The following ZNF407 variants were observed in gnomAD, a reference collection of about 807,000 sequenced individuals.
The protein encoded by ZNF407 is zinc finger protein 407.
ZNF407 carries 17 observed loss-of-function variants against 131.2 expected under a neutral mutation model. The observed-to-expected ratio is 0.13, with a 90% confidence interval of 0.09 to 0.19. The LOEUF is 0.19. Ranked by LOEUF, ZNF407 falls within the 10% of genes least tolerant of loss-of-function variation. The pLI is 1.00. For synonymous variants in ZNF407, 1,156 were observed against 1,062.0 expected, an observed-to-expected ratio of 1.09 and a Z score of -1.72; for missense variants, 2,681 against 2,830.6, an observed-to-expected ratio of 0.95 and a Z score of 1.20.
At chr18:75,007,230 C>CTTTTA (rs1972921408) in intron 8 of ZNF407, among the ~76,000 whole-genome samples, 1 of 151,320 alleles carries the variant, frequency 6.6e-6, no homozygotes, top group African/African-American at 2.4e-5. Context: ...ATTTCTATTT[C>CTTTTA]TCTTTTCTGT....
chr18:74,685,788 C>T (rs1188716207), intron 3 of ZNF407, among the ~76,000 whole-genome samples: 6 of 152,218 alleles, frequency 3.9e-5, no homozygotes, highest in Admixed American at 6.5e-5. Flanking sequence ...ATGCCGCCTT[C>T]GAAGTGCCAC....
chr18:74,741,822 C>T (rs1968557690), intron 3 of ZNF407, among the ~76,000 whole-genome samples: 1 of 152,120 alleles, frequency 6.6e-6, no homozygotes, highest in Non-Finnish European at 1.5e-5. Flanking sequence ...AGCCTGCGAA[C>T]CCCTTTGTGG....
At chr18:74,623,421 G>A (rs1034781508) in intron 1 of ZNF407, among the ~76,000 whole-genome samples, 14 of 152,272 alleles carry the variant, frequency 9.2e-5, no homozygotes, top group African/African-American at 2.9e-4. Flanking sequence ...AGCTCGCTTC[G>A]TAGATACTCT....
At chr18:74,979,427 G>T (rs1228393195) in intron 8 of ZNF407, among the ~76,000 whole-genome samples, 2 of 152,136 alleles carry the variant, frequency 1.3e-5, no homozygotes, top group Non-Finnish European at 2.9e-5. Context: ...GAGTAGCTGG[G>T]ATTACAGGCA....
At chr18:74,904,908 T>C (rs1423323965) in intron 7 of ZNF407, among the ~76,000 whole-genome samples, 2 of 152,188 alleles carry the variant, frequency 1.3e-5, no homozygotes, top group Non-Finnish European at 2.9e-5. Flanking sequence ...GAAAAGCATT[T>C]GGAATAATGT....
intron 3 of ZNF407, among the ~76,000 whole-genome samples, chr18:74,733,484 T>C (rs1022965144): frequency 6.6e-6 from 1 of 152,240 alleles, no homozygotes; most frequent in African/African-American, 2.4e-5. Flanking sequence ...GTTATTGCTA[T>C]TCCATTTTAT....
chr18:74,916,994 CA>C lies in ZNF407; in HGVS notation c.5250-3519del, dbSNP rs1245400769. Among the ~76,000 whole-genome samples the C allele has an allele frequency of 5.3e-5, 8 of 151,514 alleles. No homozygotes were observed. In the South Asian group the frequency reaches 1.7e-3, roughly 31 times the overall value. The stretch of plus-strand genomic sequence containing the variant: ...CTCTTCTTCTTCTTGGTAACTTTAC[CA>C]CCTGCACATGTGGCCTCTGAGGTTC... On this transcript the variant is annotated intron_variant, in intron 7 of 8. Transcript: ENST00000299687.
At chr18:74,770,396 C>CA (rs1443363101) in intron 3 of ZNF407, among the ~76,000 whole-genome samples, 1 of 151,698 alleles carries the variant, frequency 6.6e-6, no homozygotes, top group Admixed American at 6.6e-5. Context: ...GTCCCTGTCT[C>CA]AAAAAAATAA....
rs187777579 is a variant in ZNF407 at position 74,670,288 on chromosome 18, A to C, written c.4802+29166A>C. Among the ~76,000 whole-genome samples, 6 of 152,350 alleles carry C rather than the reference A, an allele frequency of 3.9e-5. No individual in the cohort carries two copies. The East Asian group carries it at 9.6e-4, about 24-fold the overall frequency. ...TTAGATTAACATGTTTATTTAGTTT[A>C]AAGAATCGCATCATTATTTTCTTAA... is the stretch of plus-strand genomic sequence containing the variant. On this transcript the variant is annotated intron_variant, in intron 3 of 8. Coordinates refer to ENST00000299687, the MANE Select transcript of ZNF407 (RefSeq NM_017757.3).
chr18:74,888,803 G>A (rs1267027472), intron 6 of ZNF407, among the ~76,000 whole-genome samples: 3 of 152,148 alleles, frequency 2.0e-5, no homozygotes, highest in African/African-American at 4.8e-5. Flanking sequence ...GGAGAGGGAG[G>A]TGTCAAATGA....
chr18:75,040,555 G>T (rs980730489), intron 8 of ZNF407, among the ~76,000 whole-genome samples: 1 of 152,044 alleles, frequency 6.6e-6, no homozygotes, highest in Non-Finnish European at 1.5e-5. Flanking sequence ...AGGTTGAATT[G>T]GCTACACGTG....
chr18:74,599,752 C>A (rs1170437130), intron 1 of ZNF407, among the ~76,000 whole-genome samples: 1 of 152,098 alleles, frequency 6.6e-6, no homozygotes, highest in South Asian at 2.1e-4. Flanking sequence ...ATAAAATATA[C>A]TCTCCTAGTT....
intron 8 of ZNF407, among the ~76,000 whole-genome samples, chr18:74,928,358 A>G (rs1041661608): frequency 1.3e-5 from 2 of 152,204 alleles, no homozygotes; most frequent in East Asian, 1.9e-4. Context: ...GTAGAAGCCA[A>G]GGTTCTTATT....
intron 3 of ZNF407, among the ~76,000 whole-genome samples, chr18:74,716,448 G>T (rs1013724011): frequency 1.3e-5 from 2 of 152,064 alleles, no homozygotes; most frequent in Non-Finnish European, 2.9e-5. Flanking sequence ...TAATGGAGGC[G>T]GGTTCACAAA....
At chr18:74,821,783 C>T (rs1431093294) in intron 4 of ZNF407, among the ~76,000 whole-genome samples, 1 of 152,136 alleles carries the variant, frequency 6.6e-6, no homozygotes, top group African/African-American at 2.4e-5. Context: ...TGGGTATATA[C>T]CCAGTAATGG....
At chr18:74,993,169 T>C (rs768136797) in intron 8 of ZNF407, among the ~76,000 whole-genome samples, 4 of 152,186 alleles carry the variant, frequency 2.6e-5, no homozygotes, top group Middle Eastern at 3.2e-3. Flanking sequence ...AAAAAGCATA[T>C]ATTCATGCAA....
chr18:74,604,316 T>C (rs964521922), intron 1 of ZNF407, among the ~76,000 whole-genome samples: 9 of 152,226 alleles, frequency 5.9e-5, no homozygotes, highest in African/African-American at 2.2e-4. Context: ...CTTCTCCCTA[T>C]CCCAGAAGCT....
intron 8 of ZNF407, among the ~76,000 whole-genome samples, chr18:75,046,036 A>T (rs1297851806): frequency 6.6e-6 from 1 of 152,200 alleles, no homozygotes; most frequent in South Asian, 2.1e-4. Flanking sequence ...CTGAATTTCC[A>T]TTCAAATGAT....
chr18:74,897,494 C>G (rs978227829), intron 7 of ZNF407, among the ~76,000 whole-genome samples: 1 of 152,108 alleles, frequency 6.6e-6, no homozygotes, highest in African/African-American at 2.4e-5. Flanking sequence ...CAAATCCAGT[C>G]ATTATAAAAG....
Sources: allele counts gnomAD v4.1 joint callset (sites outside exome capture counted in the v4.1 genomes callset), GRCh38; gene constraint gnomAD v4.1.1; transcripts MANE v1.5; gene names NCBI Gene and HGNC (gene_info 2026-07-23, HGNC 2026-07-21).